The following UCP2 variants were observed in gnomAD, a reference collection of about 807,000 sequenced individuals.
UCP2 encodes the protein uncoupling protein 2.
Under a neutral mutation model 31.3 loss-of-function variants are expected in UCP2, and 27 were observed. That is an observed-to-expected ratio of 0.86 (90% CI 0.64 to 1.19). The LOEUF (loss-of-function observed/expected upper bound fraction) is 1.19. Among genes scored for constraint, UCP2 ranks in the 50% most tolerant of loss-of-function variants. The pLI is 0.00. For synonymous variants in UCP2, 142 were observed against 157.4 expected, an observed-to-expected ratio of 0.90 and a Z score of 0.73; for missense variants, 377 against 413.5, an observed-to-expected ratio of 0.91 and a Z score of 0.76.
intron 2 of UCP2, among the ~76,000 whole-genome samples, chr11:73,979,540 T>C (rs1419107788): frequency 6.6e-6 from 1 of 151,712 alleles, no homozygotes; most frequent in East Asian, 1.9e-4. Context: ...AGCAAGACTC[T>C]GTTTCAAAAA....
intron 2 of UCP2, among the ~76,000 whole-genome samples, chr11:73,980,222 C>T (rs1951429388): frequency 6.6e-6 from 1 of 152,106 alleles, no homozygotes; most frequent in Non-Finnish European, 1.5e-5. Flanking sequence ...TGCTTTGAGC[C>T]CCGCCTGACT....
chr11:73,982,781 G>C lies in UCP2; in HGVS notation c.-317C>G, dbSNP rs1951482149. The C allele has an allele frequency of 6.6e-6, 1 of 152,498 alleles. No homozygotes were observed. Among genetic ancestry groups the C allele is most frequent in the African/African-American group, 2.4e-5 (1 of 41,412 alleles). The allele number at this position is 152,498 out of a possible 1,614,324, so 9.4% of individuals were successfully genotyped here. ...GTGTCTGTCGGCTGGCGGAGGGCGC[G>C]TCGGACGAGCCGGGCGAGCGTGGAC... On this transcript the variant is annotated 5_prime_UTR_variant, in exon 1 of 8. Coordinates refer to ENST00000663595, the MANE Select transcript of UCP2 (RefSeq NM_003355.3).
rs1289691752 is a variant in UCP2, at chr11:73,982,765, G to A, written c.-301C>T. The A allele has an allele frequency of 6.6e-6, 1 of 152,638 alleles. No individual in the cohort carries two copies. Among genetic ancestry groups the A allele is most frequent in the African/African-American group, 2.4e-5 (1 of 41,456 alleles). 9.5% of individuals were successfully genotyped at this position (152,638 alleles called of 1,614,324 possible). Reference sequence around the variant, plus strand: ...GGCAGTGCGTGCGGCTGTGTCTGTCGGCTGGCGGAGGGCGCGTCGGACGAG... The same window carrying A: ...GGCAGTGCGTGCGGCTGTGTCTGTCAGCTGGCGGAGGGCGCGTCGGACGAG... On this transcript the variant is annotated 5_prime_UTR_variant, in exon 1 of 8. Coordinates refer to ENST00000663595, the MANE Select transcript of UCP2 (RefSeq NM_003355.3).
At chr11:73,976,322 C>T (rs965715069) in intron 6 of UCP2, among the ~76,000 whole-genome samples, 12 of 152,144 alleles carry the variant, frequency 7.9e-5, no homozygotes, top group South Asian at 4.2e-4. Flanking sequence ...TGAGATTACA[C>T]GGGTAACAGA....
chr11:73,976,801 A>C (rs1277245268), intron 5 of UCP2, 22 bp downstream of exon 5: 1 of 1,614,212 alleles, frequency 6.2e-7, no homozygotes, highest in Non-Finnish European at 8.5e-7. Flanking sequence ...GAAAAGGGGA[A>C]GGGAAAACAA....
chr11:73,980,583 C>G (rs906288348), intron 2 of UCP2: 6 of 152,284 alleles, frequency 3.9e-5, no homozygotes, highest in Non-Finnish European at 8.8e-5. Flanking sequence ...ACCCCAACGC[C>G]CAGGGCACTG....
chr11:73,976,582 G>A (rs934861202), intron 6 of UCP2, 59 bp downstream of exon 6: 25 of 1,375,644 alleles, frequency 1.8e-5, no homozygotes, highest in Middle Eastern at 1.8e-4. Context: ...CTAGACCCCC[G>A]CACCTGCTCC....
At chr11:73,977,357 GCTTT>G (rs1484868077) in intron 4 of UCP2, among the ~76,000 whole-genome samples, 3 of 152,166 alleles carry the variant, frequency 2.0e-5, no homozygotes. Flanking sequence ...GAGAGAAGTG[GCTTT>G]CTGAGGACTG....
chr11:73,977,163 G>GT, intron 4 of UCP2, 146 bp from the exon 5 acceptor site: 3 of 793,610 alleles, frequency 3.8e-6, no homozygotes, highest in African/African-American at 1.7e-5. Context: ...AGCTCTTGCT[G>GT]TAAGAACTCC....
intron 2 of UCP2, 91 bp from the exon 3 acceptor site, chr11:73,978,568 A>G: frequency 1.3e-6 from 1 of 781,636 alleles, no homozygotes; most frequent in Admixed American, 2.4e-5. Context: ...TAATAGAACC[A>G]AGTCCCTCAG....
chr11:73,982,845 G>T (rs866538444), upstream of UCP2: 70 of 152,408 alleles, frequency 4.6e-4, no homozygotes, highest in African/African-American at 1.3e-3. Flanking sequence ...CTTCGCAGTG[G>T]GGCTCCGCGC....
At position 73,975,102 on chromosome 11, in the gene UCP2, G is replaced by T. The variant is rs371212722; in HGVS notation, c.835C>A (p.Arg279Ser). 6.8e-6 allele frequency: 11 copies of T among 1,612,978 alleles called. No homozygotes were observed. Among genetic ancestry groups the T allele is most frequent in the Non-Finnish European group, 9.3e-6 (11 of 1,179,556 alleles). Residue 279 changes from arginine (R) to serine (S), a missense_variant, in exon 8 of 8, where the codon CGC becomes AGC. Coordinates refer to ENST00000663595, the MANE Select transcript of UCP2 (RefSeq NM_003355.3). ...ATCACCACGTTCCAGGAACCCAAGC[G>T]GAGAAAGGAGGGCATGAACCTAGAG... ...FYKGFMPSFLRLGSWNVVMFV... is the reference protein window; with the variant it reads ...FYKGFMPSFLSLGSWNVVMFV...
intron 2 of UCP2, among the ~76,000 whole-genome samples, chr11:73,979,113 A>G (rs903491742): frequency 6.6e-6 from 1 of 152,188 alleles, no homozygotes; most frequent in Non-Finnish European, 1.5e-5. Flanking sequence ...TATCTACTCT[A>G]GAGGAGGCTT....
At chr11:73,976,279 G>A (rs148660556) in intron 6 of UCP2, among the ~76,000 whole-genome samples, 93 of 152,240 alleles carry the variant, frequency 6.1e-4, no homozygotes, top group African/African-American at 2.1e-3. Flanking sequence ...CACAAGAATC[G>A]CTTGAACCCA....
intron 1 of UCP2, among the ~76,000 whole-genome samples, chr11:73,982,004 G>T (rs905283595): frequency 3.3e-5 from 5 of 152,176 alleles, no homozygotes; most frequent in Non-Finnish European, 7.3e-5. Context: ...AGGTTGGAAG[G>T]GCTGGGAGCC....
intron 6 of UCP2, 116 bp from the exon 7 acceptor site, chr11:73,975,787 C>T (rs982822260): frequency 2.3e-6 from 3 of 1,279,218 alleles, no homozygotes; most frequent in South Asian, 1.3e-5. Context: ...AGAGGCTGGG[C>T]ACAATGTCTC....
At position 73,977,015 on chromosome 11, in the gene UCP2, C is replaced by A; in HGVS notation, c.340G>T (p.Ala114Ser). The change falls in exon 5 of 8, where the codon GCC becomes TCC. Residue 114 changes from alanine (A) to serine (S), a missense_variant and splice_region_variant. By Grantham distance (99) the Ala-to-Ser change is moderately conservative. Coordinates refer to ENST00000663595, the MANE Select transcript of UCP2 (RefSeq NM_003355.3). ...KQFYTKGSEH[A>S]SIGSRLLAGS... ...GCTAGGAGGCGGCTCCCAATGCTGG[C>A]ATCTGTGGGCGAGCCATGGGGTCAG... The A allele has an allele frequency of 1.3e-6, 2 of 1,597,758 alleles. No homozygotes were observed. The highest frequency in any genetic ancestry group is 8.6e-7 in the Non-Finnish European group (1 of 1,169,456).
intron 6 of UCP2, 84 bp downstream of exon 6, chr11:73,976,557 G>C (rs2135364475): frequency 9.4e-7 from 1 of 1,058,844 alleles, no homozygotes; most frequent in Admixed American, 1.8e-5. Context: ...AAAAGATGTG[G>C]TCTTCTGGTG....
At chr11:73,982,650 TG>T in intron 1 of UCP2, 70 bp downstream of exon 1, 1 of 152,500 alleles carries the variant, frequency 6.6e-6, no homozygotes, top group African/African-American at 2.4e-5. Context: ...AGAAGGTAAA[TG>T]GAAGAGCGGG....
Sources: allele counts gnomAD v4.1 joint callset (sites outside exome capture counted in the v4.1 genomes callset), GRCh38; gene constraint gnomAD v4.1.1; transcripts MANE v1.5; gene names NCBI Gene and HGNC (gene_info 2026-07-23, HGNC 2026-07-21).